Variants in KCNH7 observed in about 807,000 individuals in gnomAD.
KCNH7 encodes potassium voltage-gated channel subfamily H member 7.
Under a neutral mutation model 120.8 loss-of-function variants are expected in KCNH7, and 49 were observed. The observed-to-expected ratio is 0.41, with a 90% CI of 0.32 to 0.51. The LOEUF (loss-of-function observed/expected upper bound fraction) is 0.51, where lower values mean the gene tolerates loss of function less well. Ranked by LOEUF, KCNH7 falls within the 20% of genes least tolerant of loss-of-function variation. The pLI, the probability that KCNH7 is intolerant of heterozygous loss-of-function variation, is 0.38. For missense variants in KCNH7, 1,097 were observed against 1,446.6 expected (o/e 0.76, Z 3.92); for synonymous variants, 547 against 516.1 (o/e 1.06, Z -0.81).
At chr2:162,812,170 G>A (rs1052870223) in intron 2 of KCNH7, among the ~76,000 whole-genome samples, 1 of 152,114 alleles carries the variant, frequency 6.6e-6, no homozygotes, top group Non-Finnish European at 1.5e-5. Flanking sequence ...TAGAGGTAAT[G>A]TATGGGATAT....
chr2:162,504,701 T>A (rs1354148720), intron 5 of KCNH7, 44 bp from the exon 6 acceptor site: 2 of 1,273,948 alleles, frequency 1.6e-6, no homozygotes, highest in African/African-American at 1.5e-5. Context: ...TAAGAAGATA[T>A]AGAAGAAAGA....
chr2:162,611,487 G>T (rs781115961), intron 2 of KCNH7, among the ~76,000 whole-genome samples: 1 of 152,064 alleles, frequency 6.6e-6, no homozygotes, highest in African/African-American at 2.4e-5. Flanking sequence ...AATGAGCTAA[G>T]AAATATAAAA....
At chr2:162,661,133 G>T (rs1320782528) in intron 2 of KCNH7, among the ~76,000 whole-genome samples, 3 of 152,116 alleles carry the variant, frequency 2.0e-5, no homozygotes, top group Non-Finnish European at 4.4e-5. Flanking sequence ...ACAATATTAC[G>T]ATTCCAGTGC....
chr2:162,588,684 A>T (rs1181688201), intron 2 of KCNH7, among the ~76,000 whole-genome samples: 1 of 152,118 alleles, frequency 6.6e-6, no homozygotes, highest in South Asian at 2.1e-4. Flanking sequence ...TAATCAGATC[A>T]GAGTAATTAT....
intron 6 of KCNH7, among the ~76,000 whole-genome samples, chr2:162,497,977 T>A (rs962885728): frequency 6.6e-6 from 1 of 152,162 alleles, no homozygotes; most frequent in African/African-American, 2.4e-5. Context: ...TTTTTTAATA[T>A]TCAGAAATTT....
At chr2:162,443,133 C>T (rs961089704) in intron 7 of KCNH7, among the ~76,000 whole-genome samples, 2 of 151,524 alleles carry the variant, frequency 1.3e-5, no homozygotes, top group Non-Finnish European at 2.9e-5. Context: ...GTCTCCAGAC[C>T]CTTAACAGAT....
intron 2 of KCNH7, among the ~76,000 whole-genome samples, chr2:162,706,431 C>A (rs1686704235): frequency 6.6e-6 from 1 of 151,988 alleles, no homozygotes; most frequent in Non-Finnish European, 1.5e-5. Flanking sequence ...CTCATAACAA[C>A]TCTATAAGAG....
intron 2 of KCNH7, among the ~76,000 whole-genome samples, chr2:162,630,172 C>G (rs998223175): frequency 1.3e-5 from 2 of 152,028 alleles, no homozygotes; most frequent in Admixed American, 6.6e-5. Context: ...ATTAAAAACT[C>G]AGATATATGT....
chr2:162,764,994 A>T (rs1682730763), intron 2 of KCNH7, among the ~76,000 whole-genome samples: 1 of 152,170 alleles, frequency 6.6e-6, no homozygotes, highest in Non-Finnish European at 1.5e-5. Context: ...AAATTTAAAA[A>T]ATATTAAAAT....
chr2:162,803,306 G>T (rs1199203706), intron 2 of KCNH7, among the ~76,000 whole-genome samples: 1 of 151,838 alleles, frequency 6.6e-6, no homozygotes, highest in East Asian at 1.9e-4. Flanking sequence ...GTATTAGTTT[G>T]AAAGTAATTC....
chr2:162,375,930 TATACTG>T (rs1686157034), intron 14 of KCNH7, among the ~76,000 whole-genome samples: 1 of 151,160 alleles, frequency 6.6e-6, no homozygotes, highest in African/African-American at 2.4e-5. Context: ...AGAGGACTCT[TATACTG>T]AGACTAAATA....
At chr2:162,416,295 C>T (rs1687539987) in intron 9 of KCNH7, among the ~76,000 whole-genome samples, 1 of 151,524 alleles carries the variant, frequency 6.6e-6, no homozygotes, top group Non-Finnish European at 1.5e-5. Flanking sequence ...ATCGCTTGAA[C>T]CCAGGAGGTG....
At chr2:162,600,944 C>A (rs563416354) in intron 2 of KCNH7, among the ~76,000 whole-genome samples, 2 of 152,160 alleles carry the variant, frequency 1.3e-5, no homozygotes, top group East Asian at 3.9e-4. Context: ...GTAGTGATGT[C>A]TCCCATGGGG....
intron 2 of KCNH7, among the ~76,000 whole-genome samples, chr2:162,714,593 C>G (rs1205736498): frequency 3.9e-5 from 6 of 152,134 alleles, no homozygotes; most frequent in South Asian, 4.1e-4. Context: ...CATAAATATT[C>G]TGAAACAGGG....
chr2:162,542,960 T>C (rs1038012710), intron 2 of KCNH7, among the ~76,000 whole-genome samples: 1 of 152,106 alleles, frequency 6.6e-6, no homozygotes, highest in Admixed American at 6.6e-5. Context: ...TGCAAAATCA[T>C]ATTAACAAAA....
chr2:162,533,068 A>G (rs1691984338), intron 3 of KCNH7, among the ~76,000 whole-genome samples: 1 of 151,936 alleles, frequency 6.6e-6, no homozygotes, highest in South Asian at 2.1e-4. Flanking sequence ...TTTGCTCAAA[A>G]TAGGGAACCA....
At chr2:162,527,362 TG>T (rs1691744437) in intron 3 of KCNH7, among the ~76,000 whole-genome samples, 1 of 152,034 alleles carries the variant, frequency 6.6e-6, no homozygotes, top group East Asian at 1.9e-4. Context: ...ATATTACTAT[TG>T]CAGCTCTTCA....
chr2:162,525,017 G>C (rs1197710113), intron 3 of KCNH7, among the ~76,000 whole-genome samples: 2 of 151,638 alleles, frequency 1.3e-5, no homozygotes, highest in East Asian at 4.0e-4. Flanking sequence ...ACTGTAGCCA[G>C]CGCAGGCCTG....
At chr2:162,800,212 A>G (rs1559140011) in intron 2 of KCNH7, among the ~76,000 whole-genome samples, 1 of 151,822 alleles carries the variant, frequency 6.6e-6, no homozygotes. Context: ...GCATTGTAGA[A>G]AATGAATGTA....
Sources: gnomAD v4.1 joint callset for allele counts (sites outside exome capture counted in the v4.1 genomes callset) on GRCh38, gnomAD v4.1.1 for gene constraint, MANE v1.5 for transcripts, NCBI Gene and HGNC (gene_info 2026-07-23, HGNC 2026-07-21) for gene names.